Variants in HIGD1C observed in about 807,000 individuals in gnomAD.
HIGD1C encodes HIG1 domain family member 1C.
A neutral mutation model predicts 13.1 loss-of-function variants in HIGD1C; 11 were observed. The ratio of observed to expected loss-of-function variants is 0.84; its 90% CI spans 0.53 to 1.39. The LOEUF is 1.39. Ranked by LOEUF, HIGD1C falls within the 40% of genes most tolerant of loss-of-function variation. HIGD1C has a pLI of 0.00. For synonymous variants in HIGD1C, 36 were observed against 37.7 expected, an observed-to-expected ratio of 0.95 and a Z score of 0.17; for missense variants, 110 against 112.0, an observed-to-expected ratio of 0.98 and a Z score of 0.08.
the HIGD1C span, among the ~76,000 whole-genome samples, chr12:50,936,690 T>G: frequency 6.6e-6 from 1 of 152,234 alleles, no homozygotes; most frequent in African/African-American, 2.4e-5. Context: ...CTCCTGAGAC[T>G]CATTTGTTCT....
chr12:50,945,094 A>G, the HIGD1C span, among the ~76,000 whole-genome samples: 1 of 152,196 alleles, frequency 6.6e-6, no homozygotes, highest in Non-Finnish European at 1.5e-5. Context: ...CAAAATAATA[A>G]GAGCTATTTA....
At chr12:50,937,957 C>A in the HIGD1C span, among the ~76,000 whole-genome samples, 1 of 152,122 alleles carries the variant, frequency 6.6e-6, no homozygotes, top group African/African-American at 2.4e-5. Flanking sequence ...TCTGATTGGC[C>A]AAACGGTCAT....
intron 2 of HIGD1C, 96 bp downstream of exon 4, chr12:50,961,198 A>G (rs1592260191): frequency 1.6e-6 from 2 of 1,261,870 alleles, no homozygotes; most frequent in Non-Finnish European, 2.2e-6. Context: ...TTGGGTCACA[A>G]TGATGTAATG....
At chr12:50,969,865 C>T (rs1277846196) in intron 2 of HIGD1C, among the ~76,000 whole-genome samples, 2 of 152,078 alleles carry the variant, frequency 1.3e-5, no homozygotes, top group African/African-American at 4.8e-5. Flanking sequence ...CTGTGACTCC[C>T]TAACTTGCTT....
downstream of HIGD1C, chr12:50,970,577 A>G (rs758484121): frequency 3.0e-4 from 278 of 912,290 alleles, no homozygotes; most frequent in Non-Finnish European, 4.5e-4. Context: ...TAAATTTTCA[A>G]TATGTAGCAA....
chr12:50,966,128 GT>G (rs1455347635), intron 2 of HIGD1C, among the ~76,000 whole-genome samples: 1 of 152,092 alleles, frequency 6.6e-6, no homozygotes, highest in African/African-American at 2.4e-5. Flanking sequence ...TGCTTTCCTT[GT>G]CTTTGTCAAT....
the HIGD1C span, among the ~76,000 whole-genome samples, chr12:50,946,037 G>A: frequency 6.6e-6 from 1 of 152,168 alleles, no homozygotes; most frequent in Non-Finnish European, 1.5e-5. Flanking sequence ...TAGGTAGAAA[G>A]CTGAAACTGG....
At chr12:50,962,003 A>G (rs1939347831) in intron 2 of HIGD1C, among the ~76,000 whole-genome samples, 1 of 152,220 alleles carries the variant, frequency 6.6e-6, no homozygotes, top group African/African-American at 2.4e-5. Context: ...AATATGACTC[A>G]GTCCCTACCC....
At chr12:50,933,951 C>A in the HIGD1C span, among the ~76,000 whole-genome samples, 9 of 152,208 alleles carry the variant, frequency 5.9e-5, no homozygotes, top group Admixed American at 2.0e-4. Context: ...TCAGATCATG[C>A]CTCATTACCC....
At chr12:50,950,024 T>C (rs1184464365), upstream of HIGD1C, among the ~76,000 whole-genome samples, 1 of 152,176 alleles carries the variant, frequency 6.6e-6, no homozygotes, top group African/African-American at 2.4e-5. Context: ...ATCTCTGGGC[T>C]CCAAGCAGCC....
downstream of HIGD1C, among the ~76,000 whole-genome samples, chr12:50,972,201 C>T (rs953134261): frequency 6.6e-6 from 1 of 152,156 alleles, no homozygotes; most frequent in Non-Finnish European, 1.5e-5. Flanking sequence ...AAATATTCTA[C>T]CTTCTCAATA....
intron 1 of HIGD1C, among the ~76,000 whole-genome samples, chr12:50,955,874 T>C (rs1006645520): frequency 7.2e-5 from 11 of 152,208 alleles, no homozygotes; most frequent in African/African-American, 2.2e-4. Context: ...ACTGTGCCTG[T>C]TGTATATTAA....
intron 2 of HIGD1C, among the ~76,000 whole-genome samples, chr12:50,962,285 T>C (rs1291085141): frequency 2.6e-5 from 4 of 151,730 alleles, no homozygotes; most frequent in African/African-American, 9.7e-5. Flanking sequence ...GGCACATGCC[T>C]GTAATCCCAG....
At chr12:50,956,543 T>C (rs562073379) in intron 1 of HIGD1C, among the ~76,000 whole-genome samples, 167 of 152,344 alleles carry the variant, frequency 1.1e-3, no homozygotes, top group African/African-American at 3.8e-3. Flanking sequence ...GCAACTTCCA[T>C]CATTATAAAT....
At chr12:50,956,334 G>T (rs1194732929) in intron 1 of HIGD1C, among the ~76,000 whole-genome samples, 2 of 152,192 alleles carry the variant, frequency 1.3e-5, no homozygotes, top group African/African-American at 4.8e-5. Context: ...GGAGGTTGCA[G>T]TGAGCCAAGA....
upstream of HIGD1C, among the ~76,000 whole-genome samples, chr12:50,951,193 G>A (rs181051652): frequency 8.5e-5 from 13 of 152,284 alleles, no homozygotes; most frequent in Middle Eastern, 3.4e-3. Context: ...TGGAGAACCA[G>A]GCAGACACCA....
chr12:50,950,973 C>T (rs79024768), upstream of HIGD1C, among the ~76,000 whole-genome samples: 25,415 of 150,884 alleles, frequency 0.17, 2,500 homozygotes, highest in East Asian at 0.5. Flanking sequence ...CATGAGCCAC[C>T]GCGCCCGGCC....
chr12:50,943,963 AC>A, the HIGD1C span, among the ~76,000 whole-genome samples: 1 of 152,102 alleles, frequency 6.6e-6, no homozygotes, highest in African/African-American at 2.4e-5. Context: ...AAAGTAAAAT[AC>A]CCTAGTTAGA....
At chr12:50,945,904 C>T in the HIGD1C span, among the ~76,000 whole-genome samples, 1 of 151,984 alleles carries the variant, frequency 6.6e-6, no homozygotes. Context: ...TGGAACAGAA[C>T]AGAGCCCTCA....
Sources: allele counts gnomAD v4.1 joint callset (sites outside exome capture counted in the v4.1 genomes callset), GRCh38; gene constraint gnomAD v4.1.1; transcripts MANE v1.5; gene names NCBI Gene and HGNC (gene_info 2026-07-23, HGNC 2026-07-21).